SOX5: variants seen among roughly 807,000 people sequenced by gnomAD.
SOX5 encodes SRY-box transcription factor 5.
SOX5 carries 9 observed loss-of-function variants against 92.0 expected under a neutral mutation model. That is an observed-to-expected ratio of 0.10 (90% CI 0.06 to 0.17). The LOEUF is 0.17. SOX5 is among the 10% of genes least tolerant of loss of function. The pLI is 1.00. For synonymous variants in SOX5, 344 were observed against 336.3 expected (o/e 1.02, Z -0.25); for missense variants, 642 against 944.5 (o/e 0.68, Z 4.20).
chr12:24,150,314 T>G (rs2138817098), intron 4 of SOX5, among the ~76,000 whole-genome samples: 1 of 152,334 alleles, frequency 6.6e-6, no homozygotes, highest in Non-Finnish European at 1.5e-5. Flanking sequence ...AAATAAATAC[T>G]TTTGTAATGA....
chr12:23,974,048 C>T (rs1006286250), intron 4 of SOX5, among the ~76,000 whole-genome samples: 2 of 151,914 alleles, frequency 1.3e-5, no homozygotes, highest in Non-Finnish European at 2.9e-5. Context: ...TACATATATA[C>T]CTATGATAAA....
rs556284365 is a variant in SOX5 at position 24,073,571 on chromosome 12, C to T, written c.-2+139772G>A. Among the ~76,000 whole-genome samples the T allele has an allele frequency of 8.9e-4, 135 of 152,216 alleles. 1 individual carries two copies. The highest frequency in any genetic ancestry group is 3.2e-3 in the African/African-American group (134 of 41,552). On this transcript the variant is annotated intron_variant, in intron 4 of 4. Coordinates refer to the SOX5 transcript ENST00000446891. ...CTGTTGCTCTAAAGATGACATAAAA[C>T]GTATTTGTAGCTTTCTTTACTGATT...
chr12:23,581,588 CATTCATCCATAT>C (rs1950044722), intron 9 of SOX5, among the ~76,000 whole-genome samples: 1 of 152,068 alleles, frequency 6.6e-6, no homozygotes, highest in South Asian at 2.1e-4. Flanking sequence ...ATCATCCATA[CATTCATCCATAT>C]CTTATTTATC....
chr12:24,517,376 A>C (rs898524473), intron 1 of SOX5, among the ~76,000 whole-genome samples: 3 of 152,184 alleles, frequency 2.0e-5, no homozygotes, highest in African/African-American at 4.8e-5. Flanking sequence ...ATCCACATCA[A>C]GAGGCACAGA....
chr12:23,763,437 A>AT (rs1000135933), intron 3 of SOX5, among the ~76,000 whole-genome samples: 4 of 152,170 alleles, frequency 2.6e-5, no homozygotes, highest in African/African-American at 7.2e-5. Context: ...TCAAAGAGTA[A>AT]TAGGGCTACT....
At chr12:23,985,212 G>A (rs1001257309) in intron 4 of SOX5, among the ~76,000 whole-genome samples, 1 of 150,158 alleles carries the variant, frequency 6.7e-6, no homozygotes, top group African/African-American at 2.4e-5. Flanking sequence ...AGATGATTAG[G>A]TTTTTATTGT....
intron 3 of SOX5, among the ~76,000 whole-genome samples, chr12:23,802,690 G>A (rs578230680): frequency 1.3e-5 from 2 of 152,020 alleles, no homozygotes; most frequent in African/African-American, 2.4e-5. Flanking sequence ...TAATTGTTTT[G>A]TAAAATATAT....
chr12:23,931,398 G>C (rs1941368140), intron 1 of SOX5, among the ~76,000 whole-genome samples: 1 of 151,710 alleles, frequency 6.6e-6, no homozygotes, highest in African/African-American at 2.4e-5. Flanking sequence ...GAAATGTATA[G>C]CCAAGATCTG....
chr12:24,506,782 G>A (rs1264704693), intron 1 of SOX5, among the ~76,000 whole-genome samples: 1 of 80,278 alleles, frequency 1.2e-5, no homozygotes, highest in Non-Finnish European at 2.4e-5. Flanking sequence ...TATCCAAATG[G>A]TCTTTTTTTT....
chr12:23,536,792 C>T, intron 13 of SOX5, 123 bp from the exon 14 acceptor site: 1 of 735,500 alleles, frequency 1.4e-6, no homozygotes, highest in South Asian at 1.6e-5. Context: ...ATACATAAAC[C>T]TGTTTTTGAT....
chr12:24,075,224 C>A, intron 4 of SOX5, among the ~76,000 whole-genome samples: 1 of 145,050 alleles, frequency 6.9e-6, no homozygotes. Context: ...AGCTATGATA[C>A]CATCACTGCA....
At chr12:24,208,945 T>A (rs550950504) in intron 4 of SOX5, among the ~76,000 whole-genome samples, 1 of 152,098 alleles carries the variant, frequency 6.6e-6, no homozygotes, top group Non-Finnish European at 1.5e-5. Context: ...CTTAGCAAGA[T>A]TTGGCATGAC....
chr12:24,060,347 A>C (rs1461363799), intron 4 of SOX5, among the ~76,000 whole-genome samples: 1 of 152,184 alleles, frequency 6.6e-6, no homozygotes, highest in Non-Finnish European at 1.5e-5. Flanking sequence ...AATTGCACCT[A>C]TGCGCTTGTA....
chr12:24,242,991 T>C (rs1937775090), intron 3 of SOX5, among the ~76,000 whole-genome samples: 1 of 151,078 alleles, frequency 6.6e-6, no homozygotes, highest in Non-Finnish European at 1.5e-5. Context: ...ATAACAACAA[T>C]TTTAAGTGAG....
rs763234223 is a variant in SOX5, at chr12:23,533,102, GGTTAA to G, written c.*1112_*1116del. The G allele has an allele frequency of 3.3e-4, 148 of 451,760 alleles. No homozygotes were observed. Among genetic ancestry groups the G allele is most frequent in the Admixed American group, 8.3e-4 (35 of 42,168 alleles). 28.0% of individuals were successfully genotyped at this position (451,760 alleles called of 1,614,324 possible). ...AATATAATTTCTGAGCCCTATACTT[GGTTAA>G]GTTGTCATTTGAAGTGCAAAGTCAA... On this transcript the variant is annotated 3_prime_UTR_variant, in exon 15 of 15. Coordinates refer to ENST00000451604, the MANE Select transcript of SOX5 (RefSeq NM_006940.6).
chr12:24,514,467 A>G (rs1374070630), intron 1 of SOX5, among the ~76,000 whole-genome samples: 1 of 152,180 alleles, frequency 6.6e-6, no homozygotes, highest in East Asian at 1.9e-4. Context: ...ATTTACCCAT[A>G]TATGTTATCA....
At chr12:23,886,092 G>A (rs141366682) in intron 2 of SOX5, among the ~76,000 whole-genome samples, 2 of 152,098 alleles carry the variant, frequency 1.3e-5, no homozygotes, top group African/African-American at 4.8e-5. Context: ...ATTCCTTAAG[G>A]AGTCATTTTT....
intron 9 of SOX5, among the ~76,000 whole-genome samples, chr12:23,587,113 T>TAAA (rs1220593596): frequency 1.3e-5 from 2 of 151,950 alleles, no homozygotes; most frequent in Admixed American, 1.3e-4. Context: ...TATGAAAGTA[T>TAAA]GTTTAGTGGG....
intron 4 of SOX5, among the ~76,000 whole-genome samples, chr12:24,068,105 A>G (rs1941088117): frequency 6.6e-6 from 1 of 152,246 alleles, no homozygotes; most frequent in South Asian, 2.1e-4. Flanking sequence ...AGATTGCGCC[A>G]CTGCACTCCA....
Sources: gnomAD v4.1 joint callset for allele counts (sites outside exome capture counted in the v4.1 genomes callset) on GRCh38, gnomAD v4.1.1 for gene constraint, MANE v1.5 for transcripts, NCBI Gene and HGNC (gene_info 2026-07-23, HGNC 2026-07-21) for gene names.